LEPR: variants seen among roughly 807,000 people sequenced by gnomAD.
LEPR encodes OB receptor.
In LEPR, 56 loss-of-function variants were observed where a neutral mutation model predicts 114.7. The ratio of observed to expected loss-of-function variants is 0.49; its 90% confidence interval spans 0.39 to 0.61. LEPR has a LOEUF of 0.61. Ranked by LOEUF, LEPR falls within the 20% of genes least tolerant of loss-of-function variation. LEPR has a pLI of 0.00. For synonymous variants in LEPR, 443 were observed against 461.4 expected (o/e 0.96, Z 0.51); for missense variants, 1,202 against 1,352.9 (o/e 0.89, Z 1.75).
At chr1:65,534,598 GA>G (rs1018839544) in intron 2 of LEPR, among the ~76,000 whole-genome samples, 3 of 151,790 alleles carry the variant, frequency 2.0e-5, no homozygotes, top group Non-Finnish European at 2.9e-5. Flanking sequence ...TAAGTATATG[GA>G]AAAAAAACTA....
In LEPR at chr1:65,566,293, C is replaced by T. The variant is rs1334572622; in HGVS notation, c.40+688C>T. On this transcript the variant is annotated intron_variant, in intron 3 of 19. Transcript: ENST00000349533. ...TCTCAGCCCACTGCAACCTCTGCCT[C>T]CTGGATTCAAGCAATTCTCCTGCCT... 4.7e-5 allele frequency among the ~76,000 whole-genome samples: 7 copies of T among 150,120 alleles called. No homozygotes were observed. The East Asian group carries it at 6.0e-4, about 13-fold the overall frequency.
At chr1:65,543,072 C>T (rs1651359550) in intron 2 of LEPR, among the ~76,000 whole-genome samples, 1 of 151,966 alleles carries the variant, frequency 6.6e-6, no homozygotes, top group Admixed American at 6.5e-5. Flanking sequence ...ATTTACACTC[C>T]CACCAACAGT....
At chr1:65,621,300 AAATT>A (rs1293504213) in intron 17 of LEPR, 49 bp from the exon 18 acceptor site, 183 of 1,496,576 alleles carry the variant, frequency 1.2e-4, no homozygotes, top group Admixed American at 2.6e-4. Context: ...ATACAGAAAG[AAATT>A]AATATTTCCT....
chr1:65,507,510 T>TATATAC (rs1557630367), intron 2 of LEPR, among the ~76,000 whole-genome samples: 2 of 134,826 alleles, frequency 1.5e-5, no homozygotes, highest in Non-Finnish European at 3.2e-5. Context: ...TATATATATA[T>TATATAC]ACATATATAT....
intron 7 of LEPR, among the ~76,000 whole-genome samples, chr1:65,596,817 A>G (rs907981416): frequency 2.0e-5 from 3 of 152,110 alleles, no homozygotes; most frequent in African/African-American, 7.2e-5. Context: ...CATAATTACA[A>G]TTATTTTCCA....
intron 2 of LEPR, among the ~76,000 whole-genome samples, chr1:65,560,071 T>C (rs1237484927): frequency 2.8e-5 from 4 of 140,474 alleles, no homozygotes; most frequent in Non-Finnish European, 4.7e-5. Flanking sequence ...AAAGTAGTTT[T>C]TTCCAATTCT....
intron 2 of LEPR, among the ~76,000 whole-genome samples, chr1:65,488,190 T>TTC (rs1322378268): frequency 9.1e-5 from 2 of 21,958 alleles, no homozygotes; most frequent in African/African-American, 3.8e-4. Flanking sequence ...CTTTCTTTCT[T>TTC]TCTTTCTTTC....
chr1:65,478,910 G>A (rs1028457840), intron 2 of LEPR, among the ~76,000 whole-genome samples: 3 of 152,140 alleles, frequency 2.0e-5, no homozygotes, highest in Non-Finnish European at 1.5e-5. Flanking sequence ...AGAAGGAGTG[G>A]AGAAGAAAAA....
chr1:65,496,499 C>A (rs1409459626), intron 2 of LEPR, among the ~76,000 whole-genome samples: 1 of 152,096 alleles, frequency 6.6e-6, no homozygotes, highest in Non-Finnish European at 1.5e-5. Context: ...ATGGCTTGAG[C>A]TTGGGAGGTT....
chr1:65,601,437 A>G lies in LEPR; in HGVS notation c.1040A>G (p.Asn347Ser), dbSNP rs200240836. The G allele has an allele frequency of 3.4e-5, 55 of 1,613,400 alleles. No homozygotes were observed. The highest frequency in any genetic ancestry group is 4.2e-5 in the Non-Finnish European group (50 of 1,179,658). Residue 347 changes from asparagine to serine, a missense_variant, in exon 9 of 20, where the codon AAT becomes AGT. Physicochemically the swap from Asn to Ser is conservative, Grantham distance 46. Coordinates refer to ENST00000349533, the MANE Select transcript of LEPR (RefSeq NM_002303.6). ...AAAATTCTGACAAGTGTTGGGTCTA[A>G]TGTTTCTTTTCACTGCATCTATAAG... Reference protein sequence around the residue: ...PPKILTSVGSNVSFHCIYKKE... With the variant: ...PPKILTSVGSSVSFHCIYKKE...
At chr1:65,606,172 G>T (rs1222902046) in intron 11 of LEPR, among the ~76,000 whole-genome samples, 1 of 152,044 alleles carries the variant, frequency 6.6e-6, no homozygotes, top group Non-Finnish European at 1.5e-5. Flanking sequence ...TTAATTATAA[G>T]ATTTCTTTTT....
intron 2 of LEPR, among the ~76,000 whole-genome samples, chr1:65,445,393 C>A (rs1022339827): frequency 6.6e-6 from 1 of 152,188 alleles, no homozygotes; most frequent in Non-Finnish European, 1.5e-5. Flanking sequence ...TAATATACTG[C>A]ATGTGGGGCA....
At chr1:65,555,745 A>G (rs1035757424) in intron 2 of LEPR, among the ~76,000 whole-genome samples, 3 of 152,150 alleles carry the variant, frequency 2.0e-5, no homozygotes, top group East Asian at 3.9e-4. Context: ...AACTTTTGCA[A>G]CATTCATTTT....
chr1:65,439,516 A>C (rs1390050082), intron 2 of LEPR, among the ~76,000 whole-genome samples: 1 of 152,208 alleles, frequency 6.6e-6, no homozygotes, highest in Non-Finnish European at 1.5e-5. Flanking sequence ...AGTAAAAAAT[A>C]ATTCAATAGT....
intron 2 of LEPR, among the ~76,000 whole-genome samples, chr1:65,443,428 A>C (rs1646674204): frequency 6.6e-6 from 1 of 150,850 alleles, no homozygotes; most frequent in Non-Finnish European, 1.5e-5. Context: ...GAACAATTAC[A>C]TAAATGATTA....
intron 2 of LEPR, among the ~76,000 whole-genome samples, chr1:65,461,204 G>A (rs1646941266): frequency 6.6e-6 from 1 of 151,912 alleles, no homozygotes; most frequent in African/African-American, 2.4e-5. Context: ...CCAACTCCTG[G>A]CCTCAAGATA....
chr1:65,420,706 C>T lies in LEPR; in HGVS notation c.-131C>T, dbSNP rs747933871. On this transcript the variant is annotated 5_prime_UTR_variant, in exon 1 of 20. Transcript: ENST00000349533. Reference sequence around the variant, plus strand: ...CGTGGCAGGAAGCCGGAAGCAGCCGCGGCCCCAGTTCGGGAGACATGGCGG... The same window carrying T: ...CGTGGCAGGAAGCCGGAAGCAGCCGTGGCCCCAGTTCGGGAGACATGGCGG... 2 of 1,579,146 alleles carry T rather than the reference C, an allele frequency of 1.3e-6. No homozygotes were observed. Among genetic ancestry groups the T allele is most frequent in the Non-Finnish European group, 1.7e-6 (2 of 1,164,872 alleles).
At chr1:65,634,724 C>CT (rs1658654425) in intron 19 of LEPR, 2 of 937,360 alleles carry the variant, frequency 2.1e-6, no homozygotes, top group Non-Finnish European at 1.3e-6. Flanking sequence ...TCCTTGTTTT[C>CT]ATATTGATAG....
At chr1:65,479,500 A>G (rs144496911) in intron 2 of LEPR, among the ~76,000 whole-genome samples, 20 of 152,300 alleles carry the variant, frequency 1.3e-4, no homozygotes, top group African/African-American at 4.8e-4. Flanking sequence ...AGGACATATC[A>G]TGAAGCAATT....
Sources: gnomAD v4.1 joint callset for allele counts (sites outside exome capture counted in the v4.1 genomes callset) on GRCh38, gnomAD v4.1.1 for gene constraint, MANE v1.5 for transcripts, NCBI Gene and HGNC (gene_info 2026-07-23, HGNC 2026-07-21) for gene names.